Variants in TENM2 observed in about 807,000 individuals in gnomAD.
The protein encoded by TENM2 is teneurin transmembrane protein 2, also known as teneurin-2.
A neutral mutation model predicts 245.2 loss-of-function variants in TENM2; 52 were observed. The ratio of observed to expected loss-of-function variants is 0.21; its 90% CI spans 0.17 to 0.27. The LOEUF (loss-of-function observed/expected upper bound fraction) is 0.27. Among genes scored for constraint, TENM2 ranks in the 10% least tolerant of loss-of-function variants. The pLI is 1.00. For missense variants in TENM2, 3,046 were observed against 3,666.8 expected (o/e 0.83, Z 4.37); for synonymous variants, 1,363 against 1,438.9 (o/e 0.95, Z 1.19).
chr5:167,599,000 T>G (rs1776418957), intron 2 of TENM2, among the ~76,000 whole-genome samples: 1 of 151,208 alleles, frequency 6.6e-6, no homozygotes, highest in Admixed American at 6.5e-5. Flanking sequence ...AGAAGACAGT[T>G]GAAATTTTTT....
chr5:167,144,146 T>G, the TENM2 span, among the ~76,000 whole-genome samples: 1 of 151,490 alleles, frequency 6.6e-6, no homozygotes, highest in African/African-American at 2.5e-5. Context: ...TCATTAAATA[T>G]TTTTAATTTT....
At chr5:167,824,961 A>G (rs987089993) in intron 2 of TENM2, among the ~76,000 whole-genome samples, 1 of 152,222 alleles carries the variant, frequency 6.6e-6, no homozygotes, top group Admixed American at 6.5e-5. Flanking sequence ...AACTCACCCT[A>G]CCACTAACTT....
At chr5:167,782,479 T>C (rs1001239974) in intron 2 of TENM2, among the ~76,000 whole-genome samples, 1 of 152,048 alleles carries the variant, frequency 6.6e-6, no homozygotes, top group African/African-American at 2.4e-5. Flanking sequence ...AGATGCCCCA[T>C]GTGCAGCCCT....
the TENM2 span, among the ~76,000 whole-genome samples, chr5:167,221,677 T>C: frequency 7.9e-5 from 12 of 152,284 alleles, no homozygotes; most frequent in Admixed American, 5.2e-4. Context: ...CACATTGAAA[T>C]ATAGTAAAAC....
At chr5:168,172,032 C>T (rs1260329085) in intron 13 of TENM2, among the ~76,000 whole-genome samples, 1 of 152,202 alleles carries the variant, frequency 6.6e-6, no homozygotes, top group African/African-American at 2.4e-5. Flanking sequence ...AAGTCCAGAC[C>T]AGTGGTTCCC....
chr5:167,852,085 G>C (rs997704223), intron 2 of TENM2, among the ~76,000 whole-genome samples: 3 of 152,156 alleles, frequency 2.0e-5, no homozygotes, highest in Non-Finnish European at 4.4e-5. Context: ...AATTATTTCA[G>C]AAAGGCTTCC....
intron 6 of TENM2, among the ~76,000 whole-genome samples, chr5:168,061,714 C>T (rs1306780926): frequency 6.6e-6 from 1 of 152,150 alleles, no homozygotes; most frequent in Non-Finnish European, 1.5e-5. Flanking sequence ...ACATCACCCT[C>T]CCCTCCCCTG....
the TENM2 span, among the ~76,000 whole-genome samples, chr5:167,231,318 G>T: frequency 1.3e-3 from 198 of 152,308 alleles, no homozygotes; most frequent in African/African-American, 4.1e-3. Flanking sequence ...GATGTGGGAA[G>T]GTTTGGAACT....
intron 2 of TENM2, among the ~76,000 whole-genome samples, chr5:167,798,614 C>T (rs762038217): frequency 1.3e-5 from 2 of 152,136 alleles, no homozygotes; most frequent in African/African-American, 2.4e-5. Flanking sequence ...ACAGAGCGGG[C>T]GTAGTATTCC....
chr5:168,214,819 T>C, intron 20 of TENM2: 1 of 641,600 alleles, frequency 1.6e-6, no homozygotes, highest in Non-Finnish European at 2.9e-6. Flanking sequence ...TGGTGGGAAA[T>C]GAATTTTCTA....
At chr5:167,642,384 A>C (rs942947381) in intron 2 of TENM2, among the ~76,000 whole-genome samples, 1 of 152,144 alleles carries the variant, frequency 6.6e-6, no homozygotes, top group African/African-American at 2.4e-5. Context: ...GTATTTACAA[A>C]ATGAGCCCTG....
At chr5:167,351,833 T>C (rs572467091) in intron 1 of TENM2, among the ~76,000 whole-genome samples, 72 of 142,670 alleles carry the variant, frequency 5.0e-4, no homozygotes, top group Admixed American at 1.3e-3. Context: ...CCCAGGGATC[T>C]GGGAACAAAA....
intron 7 of TENM2, among the ~76,000 whole-genome samples, chr5:168,081,790 C>A (rs182274191): frequency 2.0e-5 from 3 of 152,044 alleles, no homozygotes; most frequent in East Asian, 3.8e-4. Flanking sequence ...GAGTTTCTGC[C>A]GAGAGATCCA....
chr5:167,203,528 C>T, the TENM2 span, among the ~76,000 whole-genome samples: 4 of 152,094 alleles, frequency 2.6e-5, no homozygotes, highest in East Asian at 1.9e-4. Context: ...TTTTCTTCCT[C>T]GAACTGTAGT....
the TENM2 span, among the ~76,000 whole-genome samples, chr5:167,124,712 T>C: frequency 6.6e-5 from 10 of 152,312 alleles, no homozygotes; most frequent in African/African-American, 2.2e-4. Flanking sequence ...AGTAAGGTGG[T>C]AGTACATACA....
chr5:166,989,252 CTTTTTTTTTTTTTTT>C, the TENM2 span, among the ~76,000 whole-genome samples: 9 of 56,960 alleles, frequency 1.6e-4, no homozygotes, highest in Non-Finnish European at 5.9e-5. Flanking sequence ...CCAAGCTAAT[CTTTTTTTTTTTTTTT>C]TTTTTTTTTT....
chr5:167,754,819 T>G, intron 2 of TENM2: 1 of 398,260 alleles, frequency 2.5e-6, no homozygotes, highest in East Asian at 4.1e-5. Context: ...GCGGTTGGCA[T>G]TTGGCTGGCA....
chr5:168,104,207 T>C (rs1438626075), intron 9 of TENM2, among the ~76,000 whole-genome samples: 4 of 152,102 alleles, frequency 2.6e-5, no homozygotes, highest in Admixed American at 6.6e-5. Flanking sequence ...TTTTGGATTT[T>C]TCATAGAGAC....
intron 2 of TENM2, among the ~76,000 whole-genome samples, chr5:167,861,592 G>A (rs1167829293): frequency 6.6e-6 from 1 of 152,202 alleles, no homozygotes; most frequent in African/African-American, 2.4e-5. Context: ...GATGGGGCAG[G>A]CTCTGGGGGC....
Sources: gnomAD v4.1 joint callset for allele counts (sites outside exome capture counted in the v4.1 genomes callset) on GRCh38, gnomAD v4.1.1 for gene constraint, MANE v1.5 for transcripts, NCBI Gene and HGNC (gene_info 2026-07-23, HGNC 2026-07-21) for gene names.